Variants in RARS2 observed in about 807,000 individuals in gnomAD.
The protein encoded by RARS2 is arginyl-tRNA synthetase 2, mitochondrial.
Under a neutral mutation model 88.5 loss-of-function variants are expected in RARS2, and 67 were observed. The observed-to-expected ratio is 0.76, with a 90% CI of 0.62 to 0.93. The LOEUF is 0.93. RARS2 is among the 40% of genes least tolerant of loss of function. The probability of loss-of-function intolerance (pLI) is 0.00; values close to 1 mark genes in which losing one functional copy is unlikely to be tolerated. For synonymous variants in RARS2, 239 were observed against 230.3 expected, an observed-to-expected ratio of 1.04 and a Z score of -0.34; for missense variants, 664 against 684.2, an observed-to-expected ratio of 0.97 and a Z score of 0.33.
chr6:87,555,155 A>G (rs1785478619), intron 5 of RARS2, among the ~76,000 whole-genome samples: 1 of 150,850 alleles, frequency 6.6e-6, no homozygotes, highest in Non-Finnish European at 1.5e-5. Context: ...AAAGTGAATA[A>G]CTAGTTCTTC....
intron 8 of RARS2, among the ~76,000 whole-genome samples, chr6:87,537,369 A>G (rs538928777): frequency 6.6e-6 from 1 of 152,342 alleles, no homozygotes; most frequent in Admixed American, 6.5e-5. Flanking sequence ...TGCATAGAGC[A>G]CTCAGGAGCC....
At chr6:87,536,411 C>G (rs112944035) in intron 8 of RARS2, among the ~76,000 whole-genome samples, 2 of 151,672 alleles carry the variant, frequency 1.3e-5, no homozygotes, top group African/African-American at 4.8e-5. Flanking sequence ...CCAAGGTGGG[C>G]GGATCACAAG....
chr6:87,580,444 A>G (rs114395514), intron 1 of RARS2, among the ~76,000 whole-genome samples: 1 of 152,018 alleles, frequency 6.6e-6, no homozygotes, highest in Admixed American at 6.5e-5. Flanking sequence ...AAACTAAACA[A>G]CACATTGAAT....
At chr6:87,561,470 C>T (rs923176355) in intron 4 of RARS2, among the ~76,000 whole-genome samples, 31 of 152,186 alleles carry the variant, frequency 2.0e-4, no homozygotes, top group Non-Finnish European at 2.9e-5. Flanking sequence ...AGGGTATATT[C>T]ACGGCAACTT....
chr6:87,546,467 C>T lies in RARS2; in HGVS notation c.452-768G>A, dbSNP rs1216714042. Among the ~76,000 whole-genome samples, 5 of 152,110 alleles carry T rather than the reference C, an allele frequency of 3.3e-5. No individual in the cohort carries two copies. The East Asian group carries it at 7.7e-4, about 24-fold the overall frequency. On this transcript the variant is annotated intron_variant, in intron 6 of 19. Coordinates refer to ENST00000369536, the MANE Select transcript of RARS2 (RefSeq NM_020320.5). ...AGAGGTCCTAGTATTCCATGATGGC[C>T]ACCAAAGAAATTGAAAGTATATGGG...
At chr6:87,522,368 C>T (rs1025374998) in intron 11 of RARS2, among the ~76,000 whole-genome samples, 4 of 147,968 alleles carry the variant, frequency 2.7e-5, no homozygotes, top group Admixed American at 2.0e-4. Flanking sequence ...CCATAAAGTC[C>T]TTTGACAGAA....
chr6:87,515,977 CTT>C (rs1262655773), intron 18 of RARS2: 2 of 142,390 alleles, frequency 1.4e-5, no homozygotes, highest in Admixed American at 7.0e-5. Flanking sequence ...AAAAAAAAGA[CTT>C]TGTAGCTTCT....
rs1207518149 is a variant in RARS2, at chr6:87,589,946, G to C, written c.12C>G (p.Gly4=). Residue 4 remains glycine (G), a synonymous_variant, in exon 1 of 20, where the codon GGC becomes GGG. Coordinates refer to ENST00000369536, the MANE Select transcript of RARS2 (RefSeq NM_020320.5). MAC[G]FRRAIACQLS... ...CCTGGCAAGCAATAGCGCGGCGAAA[G>C]CCGCACGCCATGTCCACCTCTACGG... 1.1e-5 allele frequency: 17 copies of C among 1,613,450 alleles called. No individual in the cohort carries two copies. The highest frequency in any genetic ancestry group is 1.4e-5 in the Non-Finnish European group (16 of 1,180,002).
intron 1 of RARS2, among the ~76,000 whole-genome samples, chr6:87,574,416 T>C (rs2128203375): frequency 6.6e-6 from 1 of 151,992 alleles, no homozygotes; most frequent in African/African-American, 2.4e-5. Flanking sequence ...ACCACAAAGG[T>C]GAGGTAAGCC....
chr6:87,570,837 G>A (rs183125805), intron 1 of RARS2, among the ~76,000 whole-genome samples: 46 of 152,236 alleles, frequency 3.0e-4, no homozygotes, highest in Admixed American at 2.4e-3. Context: ...ACAAGAGTGA[G>A]CACTGCACCA....
chr6:87,545,503 G>T, intron 7 of RARS2, 113 bp downstream of exon 7: 1 of 1,342,440 alleles, frequency 7.4e-7, no homozygotes, highest in Non-Finnish European at 1.0e-6. Flanking sequence ...AAAAAAAATA[G>T]GTAGGACATA....
At chr6:87,562,559 T>C (rs576925213) in intron 4 of RARS2, 143 bp downstream of exon 4, 4 of 682,378 alleles carry the variant, frequency 5.9e-6, no homozygotes, top group Admixed American at 2.2e-5. Context: ...TAACTTGGGG[T>C]GGTACTCTCC....
intron 16 of RARS2, 133 bp from the exon 17 acceptor site, chr6:87,518,397 CAG>C: frequency 6.5e-7 from 1 of 1,531,542 alleles, no homozygotes; most frequent in African/African-American, 1.4e-5. Flanking sequence ...GTGGAGGTAA[CAG>C]TATATTTTTC....
chr6:87,586,193 G>C (rs139290857), intron 1 of RARS2, among the ~76,000 whole-genome samples: 260 of 152,272 alleles, frequency 1.7e-3, no homozygotes, highest in Middle Eastern at 3.4e-3. Context: ...GTGATAATGG[G>C]GGCTTGGTGT....
intron 5 of RARS2, 71 bp from the exon 6 acceptor site, chr6:87,548,717 TC>T: frequency 7.0e-7 from 1 of 1,421,840 alleles, no homozygotes; most frequent in Non-Finnish European, 9.8e-7. Flanking sequence ...AGGTCATGCC[TC>T]CATACTTTGA....
chr6:87,555,593 T>A, intron 4 of RARS2, 88 bp from the exon 5 acceptor site: 1 of 1,037,842 alleles, frequency 9.6e-7, no homozygotes, highest in South Asian at 1.3e-5. Flanking sequence ...TGCCAATTTG[T>A]TCACTCTAAT....
chr6:87,572,670 T>A (rs1013078749), intron 1 of RARS2, among the ~76,000 whole-genome samples: 1 of 152,106 alleles, frequency 6.6e-6, no homozygotes. Context: ...TCTCAAATGG[T>A]CCTCCCACCT....
chr6:87,528,263 T>C (rs1054310115), intron 10 of RARS2, among the ~76,000 whole-genome samples: 4 of 143,032 alleles, frequency 2.8e-5, no homozygotes, highest in African/African-American at 1.0e-4. Flanking sequence ...AAAAAAAAGA[T>C]AAATGTTGGC....
At chr6:87,571,654 T>C (rs886962257) in intron 1 of RARS2, among the ~76,000 whole-genome samples, 2 of 152,132 alleles carry the variant, frequency 1.3e-5, no homozygotes, top group African/African-American at 4.8e-5. Flanking sequence ...TAAGAAGAAA[T>C]CATCTTCAAG....
Sources: allele counts gnomAD v4.1 joint callset (sites outside exome capture counted in the v4.1 genomes callset), GRCh38; gene constraint gnomAD v4.1.1; transcripts MANE v1.5; gene names NCBI Gene and HGNC (gene_info 2026-07-23, HGNC 2026-07-21).